The following DDC variants were observed in gnomAD, a reference collection of about 807,000 sequenced individuals.
The protein encoded by DDC is dopa decarboxylase.
In DDC, 43 loss-of-function variants were observed where a neutral mutation model predicts 60.0. The ratio of observed to expected loss-of-function variants is 0.72; its 90% CI spans 0.56 to 0.92. The LOEUF (loss-of-function observed/expected upper bound fraction) is 0.92, where lower values mean the gene tolerates loss of function less well. Ranked by LOEUF, DDC falls within the 40% of genes least tolerant of loss-of-function variation. The pLI is 0.00. For synonymous variants in DDC, 232 were observed against 234.6 expected (o/e 0.99, Z 0.10); for missense variants, 573 against 620.2 (o/e 0.92, Z 0.81).
chr7:50,533,222 C>T (rs1298666015), intron 4 of DDC, among the ~76,000 whole-genome samples: 1 of 151,822 alleles, frequency 6.6e-6, no homozygotes, highest in Non-Finnish European at 1.5e-5. Context: ...TGAAATAACA[C>T]AGGGAATATG....
rs1433271227 is a variant in DDC at position 50,511,066 on chromosome 7, C to A, written c.715-7007G>T. 4.1e-5 allele frequency among the ~76,000 whole-genome samples: 6 copies of A among 147,074 alleles called. No homozygotes were observed. In the South Asian group the frequency reaches 1.3e-3, roughly 31 times the overall value. ...GGATATATCTATACACACACACACA[C>A]ACACACACACACACACACAAAATAA... On this transcript the variant is annotated intron_variant, in intron 6 of 14. Coordinates refer to ENST00000444124, the MANE Select transcript of DDC (RefSeq NM_001082971.2).
intron 8 of DDC, among the ~76,000 whole-genome samples, chr7:50,498,189 A>G (rs2043167293): frequency 6.6e-6 from 1 of 152,216 alleles, no homozygotes; most frequent in Non-Finnish European, 1.5e-5. Context: ...GAGGATAGGG[A>G]GGATATCTAA....
In DDC at chr7:50,546,802, G is replaced by A. The variant is rs147209645; in HGVS notation, c.-28-2689C>T. On this transcript the variant is annotated intron_variant, in intron 1 of 14. Coordinates refer to ENST00000444124, the MANE Select transcript of DDC (RefSeq NM_001082971.2). ...GTGCTTGAGTGGCAGTGATTGAGAC[G>A]TAAGATTAGACTCTAGATTATAGCA... Among the ~76,000 whole-genome samples the A allele has an allele frequency of 9.9e-3, 1,506 of 152,328 alleles. 25 individuals carry two copies. Among genetic ancestry groups the A allele is most frequent in the African/African-American group, 0.033 (1,377 of 41,576 alleles).
intron 8 of DDC, among the ~76,000 whole-genome samples, chr7:50,498,783 A>T (rs1366556007): frequency 1.3e-5 from 2 of 152,262 alleles, no homozygotes; most frequent in Non-Finnish European, 2.9e-5. Context: ...CATGACTGTC[A>T]TATTGAACCA....
intron 9 of DDC, chr7:50,492,808 C>CG (rs2043029333): frequency 6.7e-7 from 1 of 1,489,880 alleles, no homozygotes; most frequent in Non-Finnish European, 8.9e-7. Flanking sequence ...GAACCCCGAG[C>CG]GCCGGGGAAG....
At chr7:50,490,493 A>T (rs555530498) in intron 9 of DDC, among the ~76,000 whole-genome samples, 2 of 152,202 alleles carry the variant, frequency 1.3e-5, no homozygotes, top group East Asian at 3.9e-4. Context: ...ACATGGTGAA[A>T]CTCCATCTCT....
chr7:50,489,926 G>A (rs773238010), intron 9 of DDC, among the ~76,000 whole-genome samples: 2 of 152,150 alleles, frequency 1.3e-5, no homozygotes, highest in Non-Finnish European at 2.9e-5. Context: ...TAATAGATTT[G>A]TTTATAAAAT....
At chr7:50,467,088 G>T (rs2042415734) in intron 13 of DDC, 126 bp downstream of exon 13, 1 of 928,466 alleles carries the variant, frequency 1.1e-6, no homozygotes, top group Non-Finnish European at 1.8e-6. Flanking sequence ...GTGGGCCAAA[G>T]AATGCAGGCT....
intron 11 of DDC, among the ~76,000 whole-genome samples, chr7:50,471,370 A>C (rs1353599875): frequency 6.6e-6 from 1 of 152,062 alleles, no homozygotes; most frequent in Non-Finnish European, 1.5e-5. Context: ...ATAGAGTAAG[A>C]CTCCATCTCA....
intron 6 of DDC, among the ~76,000 whole-genome samples, chr7:50,507,089 T>C (rs1490565230): frequency 1.3e-5 from 2 of 152,172 alleles, no homozygotes; most frequent in Non-Finnish European, 1.5e-5. Context: ...CTTAAGAGAA[T>C]AGCGAAAAAG....
In DDC at chr7:50,556,233, C is replaced by A. The variant is rs113815303; in HGVS notation, c.-29+9052G>T. 1.8e-3 allele frequency among the ~76,000 whole-genome samples: 271 copies of A among 152,268 alleles called. 3 individuals are homozygous for A. The highest frequency in any genetic ancestry group is 6.2e-3 in the African/African-American group (257 of 41,564). On this transcript the variant is annotated intron_variant, in intron 1 of 14. Coordinates refer to ENST00000444124, the MANE Select transcript of DDC (RefSeq NM_001082971.2). ...GACTGGGCAGCTTATAAACAACAGA[C>A]AATGATTTCTTAGAGTTCTGAGGCT...
chr7:50,515,723 G>T lies in DDC; in HGVS notation c.715-11664C>A, dbSNP rs11575363. ...ATAAGGACTCACATAAACTTAAGGGGTGGAAAAAGGCATTTCATGCAAATG... is the reference window on the plus strand; with the variant it reads ...ATAAGGACTCACATAAACTTAAGGGTTGGAAAAAGGCATTTCATGCAAATG... On this transcript the variant is annotated intron_variant, in intron 6 of 14. Coordinates refer to ENST00000444124, the MANE Select transcript of DDC (RefSeq NM_001082971.2). 5.7e-3 allele frequency among the ~76,000 whole-genome samples: 863 copies of T among 152,234 alleles called. 11 individuals carry two copies. Among genetic ancestry groups the T allele is most frequent in the African/African-American group, 0.02 (836 of 41,558 alleles).
Position 50,463,394 on chromosome 7 carries a change from A to C in DDC, c.1280T>G (p.Ile427Arg), listed in dbSNP as rs750932088. The change falls in exon 14 of 15, where the codon ATA becomes AGA. Residue 427 changes from isoleucine to arginine, a missense_variant. Ile to Arg is a moderately conservative substitution (Grantham distance 97). Transcript: ENST00000444124. ...CAAGTGGATTTTTTTGGCACTGTTT[A>C]TTCTTTGCAGAAGAGCTTCATTCAC... ...NKVNEALLQRINSAKKIHLVP... is the reference protein window; with the variant it reads ...NKVNEALLQRRNSAKKIHLVP... The C allele has an allele frequency of 5.0e-6, 8 of 1,614,188 alleles. No homozygotes were observed. The highest frequency in any genetic ancestry group is 6.8e-6 in the Non-Finnish European group (8 of 1,180,022).
At chr7:50,471,119 C>T (rs960908118) in intron 11 of DDC, among the ~76,000 whole-genome samples, 8 of 152,142 alleles carry the variant, frequency 5.3e-5, no homozygotes, top group African/African-American at 1.4e-4. Flanking sequence ...AGGCCGGATG[C>T]GGTGGCTCAC....
chr7:50,540,211 C>T (rs962709619), intron 2 of DDC, 183 bp from the exon 3 acceptor site: 2 of 639,544 alleles, frequency 3.1e-6, no homozygotes, highest in South Asian at 1.6e-5. Flanking sequence ...AGCATTTACA[C>T]ATCACCTTAC....
chr7:50,532,321 C>T (rs1039336112), intron 4 of DDC, among the ~76,000 whole-genome samples: 1 of 152,162 alleles, frequency 6.6e-6, no homozygotes, highest in Admixed American at 6.5e-5. Context: ...AAAGCGGGGG[C>T]TGAGAGATGC....
chr7:50,465,594 A>C (rs113566712), intron 13 of DDC, among the ~76,000 whole-genome samples: 10 of 152,128 alleles, frequency 6.6e-5, no homozygotes, highest in African/African-American at 2.4e-4. Context: ...CTGTTCTCGA[A>C]CTCCTGACCT....
chr7:50,549,496 C>CA (rs575869143), intron 1 of DDC, among the ~76,000 whole-genome samples: 6 of 151,478 alleles, frequency 4.0e-5, no homozygotes, highest in East Asian at 1.9e-4. Context: ...ACTAAAAATA[C>CA]AAAAAAAATT....
intron 11 of DDC, among the ~76,000 whole-genome samples, chr7:50,473,965 G>A (rs2042586506): frequency 6.6e-6 from 1 of 152,218 alleles, no homozygotes; most frequent in South Asian, 2.1e-4. Flanking sequence ...ACTCACCTCT[G>A]AGTAGCTGCA....
Sources: gnomAD v4.1 joint callset for allele counts (sites outside exome capture counted in the v4.1 genomes callset) on GRCh38, gnomAD v4.1.1 for gene constraint, MANE v1.5 for transcripts, NCBI Gene and HGNC (gene_info 2026-07-23, HGNC 2026-07-21) for gene names.